Variants in SV2B observed in about 807,000 individuals in gnomAD.
The protein encoded by SV2B is synaptic vesicle glycoprotein 2B, also known as solute carrier family 22 member B2.
In SV2B, 41 loss-of-function variants were observed where a neutral mutation model predicts 73.9. The observed-to-expected ratio is 0.56, with a 90% CI of 0.43 to 0.72. The LOEUF is 0.72. Among genes scored for constraint, SV2B ranks in the 30% least tolerant of loss-of-function variants. The pLI is 0.00. For missense variants in SV2B, 764 were observed against 857.8 expected (o/e 0.89, Z 1.37); for synonymous variants, 314 against 314.2 (o/e 1.00, Z 0.01).
At chr15:91,178,689 T>G (rs2044424426) in intron 1 of SV2B, among the ~76,000 whole-genome samples, 1 of 151,698 alleles carries the variant, frequency 6.6e-6, no homozygotes, top group African/African-American at 2.4e-5. Flanking sequence ...TAGAGGTGTT[T>G]GTAGTATTCT....
rs2042371957 is a variant in SV2B at position 91,122,672 on chromosome 15, C to T, written c.-392+22309C>T. Among the ~76,000 whole-genome samples the T allele has an allele frequency of 6.6e-6, 1 of 152,180 alleles. No homozygotes were observed. The highest frequency in any genetic ancestry group is 2.1e-4 in the South Asian group (1 of 4,828). On this transcript the variant is annotated intron_variant, in intron 1 of 12. Coordinates refer to ENST00000394232, the MANE Select transcript of SV2B (RefSeq NM_001323032.3). This position sits in a 1 kb window ranked among gnomAD's most constrained non-coding sequence, Gnocchi z 4.3. Reference sequence around the variant, plus strand: ...CATCTTCCCCAATCATTTGTCTGTTCTTAGTCCTGTACTTTCCAAGACATC... The same window carrying T: ...CATCTTCCCCAATCATTTGTCTGTTTTTAGTCCTGTACTTTCCAAGACATC...
rs765174155 is a variant in SV2B, at chr15:91,265,838, A to G, written c.1009-744A>G. Among the ~76,000 whole-genome samples the G allele has an allele frequency of 2.0e-5, 3 of 152,230 alleles. No individual in the cohort carries two copies. The highest frequency in any genetic ancestry group is 4.4e-5 in the Non-Finnish European group (3 of 68,048). ...CTTTAGCAGATTCTCAAATTCTCCC[A>G]AAAGCTTAAGAACCACTGTTTTGGC... On this transcript the variant is annotated intron_variant, in intron 6 of 12. Transcript: ENST00000394232. The surrounding 1 kb of genome is among the most constrained non-coding windows in gnomAD (Gnocchi z 4.2).
chr15:91,281,717 T>G lies in SV2B; in HGVS notation c.1374-11T>G, dbSNP rs2141759031. The G allele has an allele frequency of 6.3e-7, 1 of 1,587,470 alleles. No homozygotes were observed. Among genetic ancestry groups the G allele is most frequent in the East Asian group, 2.3e-5 (1 of 44,378 alleles). Reference sequence around the variant, plus strand: ...CAGATGAATCACTCAAGGGTCAACCTCTTCCCACAGGTTCACAAGAATGTA... The same window carrying G: ...CAGATGAATCACTCAAGGGTCAACCGCTTCCCACAGGTTCACAAGAATGTA... On this transcript the variant is annotated splice_polypyrimidine_tract_variant and intron_variant, in intron 9 of 12. Coordinates refer to ENST00000394232, the MANE Select transcript of SV2B (RefSeq NM_001323032.3). This position sits in a 1 kb window ranked among gnomAD's most constrained non-coding sequence, Gnocchi z 4.7.
intron 1 of SV2B, among the ~76,000 whole-genome samples, chr15:91,145,979 T>C (rs111681086): frequency 0.19 from 28,353 of 152,208 alleles, 3,174 homozygotes; most frequent in Non-Finnish European, 0.26. Context: ...AGAAGCTCTT[T>C]AGTTTAATAG....
chr15:91,230,428 G>GA (rs1422778119), intron 2 of SV2B, among the ~76,000 whole-genome samples: 1 of 152,088 alleles, frequency 6.6e-6, no homozygotes, highest in Non-Finnish European at 1.5e-5. Context: ...AATCCATTTG[G>GA]AAAATAAAGA....
intron 2 of SV2B, among the ~76,000 whole-genome samples, chr15:91,233,804 C>A (rs111808941): frequency 6.6e-6 from 1 of 152,144 alleles, no homozygotes; most frequent in African/African-American, 2.4e-5. Flanking sequence ...ACCCCTCCAC[C>A]CCTCTTTGCT....
At chr15:91,156,257 G>T (rs1263042503) in intron 1 of SV2B, among the ~76,000 whole-genome samples, 14 of 152,116 alleles carry the variant, frequency 9.2e-5, no homozygotes, top group Admixed American at 9.2e-4. Flanking sequence ...GTATAGATAG[G>T]CTTCTTTCCT....
chr15:91,242,070 T>A lies in SV2B; in HGVS notation c.452-9749T>A, dbSNP rs1282351435. Among the ~76,000 whole-genome samples, 2 of 152,202 alleles carry A rather than the reference T, an allele frequency of 1.3e-5. No individual in the cohort carries two copies. Among genetic ancestry groups the A allele is most frequent in the East Asian group, 3.9e-4 (2 of 5,184 alleles). On this transcript the variant is annotated intron_variant, in intron 2 of 12. Coordinates refer to ENST00000394232, the MANE Select transcript of SV2B (RefSeq NM_001323032.3). The surrounding 1 kb of genome is among the most constrained non-coding windows in gnomAD (Gnocchi z 4.9). ...TGCTCAGTTCAGCAGTCAGCTCTCA[T>A]CCTCAGCTTATTCACCTGTTCACAG...
At chr15:91,165,700 T>C (rs1481438449) in intron 1 of SV2B, among the ~76,000 whole-genome samples, 1 of 152,196 alleles carries the variant, frequency 6.6e-6, no homozygotes, top group Non-Finnish European at 1.5e-5. Flanking sequence ...TAGACTTACA[T>C]TGTCTTCCAT....
chr15:91,249,672 AAAGAG>A (rs2047404048), intron 2 of SV2B, among the ~76,000 whole-genome samples: 1 of 152,230 alleles, frequency 6.6e-6, no homozygotes, highest in Non-Finnish European at 1.5e-5. Context: ...AAATGAAATG[AAAGAG>A]AAGGCATTAC....
chr15:91,233,886 G>A (rs1435235326), intron 2 of SV2B, among the ~76,000 whole-genome samples: 2 of 152,162 alleles, frequency 1.3e-5, no homozygotes, highest in Non-Finnish European at 2.9e-5. Flanking sequence ...ACCATGAAGA[G>A]GTGGTTACAC....
chr15:91,235,551 T>TA lies in SV2B; in HGVS notation c.451+8847dup, dbSNP rs552268294. Among the ~76,000 whole-genome samples the TA allele has an allele frequency of 2.7e-3, 401 of 149,592 alleles. 5 individuals are homozygous for TA. In the South Asian group the frequency reaches 0.033, roughly 12 times the overall value. On this transcript the variant is annotated intron_variant, in intron 2 of 12. Coordinates refer to ENST00000394232, the MANE Select transcript of SV2B (RefSeq NM_001323032.3). The stretch of plus-strand genomic sequence containing the variant: ...ATTTCACAATTAAACCACCGGGGGT[T>TA]AAAAAAAAAATCTCTCGAGGAGAAG...
At chr15:91,119,193 G>A (rs576625658) in intron 1 of SV2B, among the ~76,000 whole-genome samples, 13 of 152,360 alleles carry the variant, frequency 8.5e-5, no homozygotes, top group African/African-American at 3.1e-4. Flanking sequence ...CCCAACGGTA[G>A]GAGCTATCTT....
intron 1 of SV2B, among the ~76,000 whole-genome samples, chr15:91,190,779 A>T: frequency 6.6e-6 from 1 of 152,160 alleles, no homozygotes; most frequent in East Asian, 1.9e-4. Context: ...CTTCTGTAAC[A>T]TGACTTTTCT....
rs192597919 is a variant in SV2B, at chr15:91,197,264, C to T, written c.-391-28609C>T. Among the ~76,000 whole-genome samples the T allele has an allele frequency of 2.3e-3, 352 of 151,978 alleles. No individual in the cohort carries two copies. The highest frequency in any genetic ancestry group is 8.2e-3 in the African/African-American group (338 of 41,414). ...TTGTTTTGAGACAGAGTTTCATTCT[C>T]GTTGCCCAGGCTGGAGTGCAATGGC... On this transcript the variant is annotated intron_variant, in intron 1 of 12. Transcript: ENST00000394232. This position sits in a 1 kb window ranked among gnomAD's most constrained non-coding sequence, Gnocchi z 4.9.
chr15:91,276,319 A>G (rs1208582695), intron 9 of SV2B, among the ~76,000 whole-genome samples: 2 of 151,724 alleles, frequency 1.3e-5, no homozygotes, highest in East Asian at 1.9e-4. Context: ...GATTTACTCT[A>G]TTGAGGTTCT....
intron 6 of SV2B, among the ~76,000 whole-genome samples, chr15:91,264,746 C>T (rs1284267555): frequency 1.3e-5 from 2 of 152,134 alleles, no homozygotes; most frequent in African/African-American, 4.8e-5. Context: ...AAGCCTTTTA[C>T]AACAGGATCA....
chr15:91,226,738 C>T, intron 2 of SV2B, 24 bp downstream of exon 2: 1 of 1,591,598 alleles, frequency 6.3e-7, no homozygotes, highest in South Asian at 1.1e-5. Context: ...TCCAATGATC[C>T]CTCCAATGAA....
Position 91,258,111 on chromosome 15 carries a change from C to T in SV2B, c.785-310C>T, listed in dbSNP as rs558120644. ...TATTGTTTCTGTTTGTACTCTTATCCGAGGCTCTGTAAATGTCAGGCCAGG... is the reference window on the plus strand; with the variant it reads ...TATTGTTTCTGTTTGTACTCTTATCTGAGGCTCTGTAAATGTCAGGCCAGG... On this transcript the variant is annotated intron_variant, in intron 4 of 12. Transcript: ENST00000394232. The surrounding 1 kb of genome is among the most constrained non-coding windows in gnomAD (Gnocchi z 4.7). Among the ~76,000 whole-genome samples, 50 of 152,220 alleles carry T rather than the reference C, an allele frequency of 3.3e-4. No homozygotes were observed. The East Asian group carries it at 4.1e-3, about 12-fold the overall frequency.
Sources: gnomAD v4.1 joint callset for allele counts (sites outside exome capture counted in the v4.1 genomes callset) on GRCh38, gnomAD v4.1.1 for gene constraint, Gnocchi (gnomAD v3.1) non-coding constraint, MANE v1.5 for transcripts, NCBI Gene and HGNC (gene_info 2026-07-23, HGNC 2026-07-21) for gene names.